DAB1: variants seen among roughly 807,000 people sequenced by gnomAD.
DAB1 encodes DAB adaptor protein 1, also known as disabled homolog 1.
Under a neutral mutation model 64.6 loss-of-function variants are expected in DAB1, and 15 were observed. The observed-to-expected ratio is 0.23, with a 90% CI of 0.16 to 0.36. DAB1 has a LOEUF of 0.36. Ranked by LOEUF, DAB1 falls within the 10% of genes least tolerant of loss-of-function variation. DAB1 has a pLI of 1.00. For synonymous variants in DAB1, 235 were observed against 251.9 expected, an observed-to-expected ratio of 0.93 and a Z score of 0.64; for missense variants, 596 against 706.7, an observed-to-expected ratio of 0.84 and a Z score of 1.78.
At chr1:57,081,273 T>C (rs1652526999) in intron 4 of DAB1, among the ~76,000 whole-genome samples, 1 of 152,122 alleles carries the variant, frequency 6.6e-6, no homozygotes. Flanking sequence ...TGGTAGATGG[T>C]AGGCTCTTTG....
At chr1:57,898,270 G>A (rs540913954) in intron 5 of DAB1, among the ~76,000 whole-genome samples, 68 of 152,282 alleles carry the variant, frequency 4.5e-4, no homozygotes, top group Admixed American at 4.4e-3. Context: ...GAGGCTGACT[G>A]GGACTTTGAC....
chr1:57,964,006 A>G (rs1233281253), intron 5 of DAB1, among the ~76,000 whole-genome samples: 2 of 152,220 alleles, frequency 1.3e-5, no homozygotes, highest in African/African-American at 4.8e-5. Flanking sequence ...CACCATGCTG[A>G]CAGTAAAATC....
At chr1:57,065,241 T>C (rs565463785) in intron 8 of DAB1, among the ~76,000 whole-genome samples, 1 of 152,318 alleles carries the variant, frequency 6.6e-6, no homozygotes, top group Non-Finnish European at 1.5e-5. Context: ...TAGGCCTTGT[T>C]TGGAGCCTTC....
At chr1:58,141,351 C>T (rs1654272924) in intron 5 of DAB1, among the ~76,000 whole-genome samples, 1 of 151,976 alleles carries the variant, frequency 6.6e-6, no homozygotes, top group East Asian at 1.9e-4. Flanking sequence ...CTTTATAAAA[C>T]CATCAGATCT....
chr1:58,385,314 T>C (rs1288602603), intron 3 of DAB1, among the ~76,000 whole-genome samples: 1 of 152,232 alleles, frequency 6.6e-6, no homozygotes, highest in African/African-American at 2.4e-5. Context: ...TTCCTAGCTG[T>C]GAGTTTCATA....
intron 6 of DAB1, among the ~76,000 whole-genome samples, chr1:57,753,825 G>A (rs975221191): frequency 2.0e-5 from 3 of 152,120 alleles, no homozygotes; most frequent in Non-Finnish European, 4.4e-5. Context: ...TGGCAGAGTC[G>A]GCATTTGAAC....
chr1:58,196,632 A>T (rs1488213022), intron 4 of DAB1, among the ~76,000 whole-genome samples: 5 of 152,188 alleles, frequency 3.3e-5, no homozygotes, highest in Admixed American at 3.3e-4. Context: ...CAGGAAACTT[A>T]AAATCACAGC....
intron 4 of DAB1, among the ~76,000 whole-genome samples, chr1:58,326,263 C>A (rs139154303): frequency 3.9e-4 from 59 of 152,246 alleles, no homozygotes; most frequent in Non-Finnish European, 6.6e-4. Context: ...TTTCAGATTG[C>A]GATTTTTAAA....
chr1:58,461,737 G>A (rs1202712842), intron 3 of DAB1, among the ~76,000 whole-genome samples: 2 of 152,172 alleles, frequency 1.3e-5, no homozygotes, highest in Admixed American at 6.5e-5. Flanking sequence ...TCTCTCTGAG[G>A]CTGAATTATT....
intron 3 of DAB1, among the ~76,000 whole-genome samples, chr1:58,456,805 C>T (rs186913546): frequency 1.6e-3 from 239 of 152,226 alleles, no homozygotes; most frequent in African/African-American, 4.9e-3. Context: ...AGCACTCAGA[C>T]CTTACTATAG....
chr1:57,609,698 T>C (rs191008440), intron 7 of DAB1, among the ~76,000 whole-genome samples: 1 of 152,340 alleles, frequency 6.6e-6, no homozygotes, highest in Admixed American at 6.5e-5. Context: ...TTGAAAATTC[T>C]AAAAGGCAAA....
chr1:58,340,845 C>A (rs1246173592), intron 4 of DAB1, among the ~76,000 whole-genome samples: 1 of 152,168 alleles, frequency 6.6e-6, no homozygotes, highest in East Asian at 1.9e-4. Context: ...GGAATACATA[C>A]TTCTCAGCAT....
chr1:58,204,491 G>A (rs576362136), intron 4 of DAB1, among the ~76,000 whole-genome samples: 1 of 152,174 alleles, frequency 6.6e-6, no homozygotes, highest in African/African-American at 2.4e-5. Context: ...GCACCAGTAG[G>A]GGGTAGAGAA....
chr1:57,041,703 T>A, intron 9 of DAB1, among the ~76,000 whole-genome samples: 1 of 152,164 alleles, frequency 6.6e-6, no homozygotes, highest in East Asian at 1.9e-4. Context: ...TAGTGTCTGA[T>A]TATTTGGATC....
chr1:58,275,191 C>T (rs2100433021), intron 4 of DAB1, among the ~76,000 whole-genome samples: 1 of 152,172 alleles, frequency 6.6e-6, no homozygotes, highest in African/African-American at 2.4e-5. Context: ...CAAAATGAAT[C>T]AAAGATGTAA....
chr1:57,912,716 C>T (rs941073558), intron 5 of DAB1, among the ~76,000 whole-genome samples: 9 of 152,146 alleles, frequency 5.9e-5, no homozygotes, highest in African/African-American at 2.2e-4. Flanking sequence ...CCCAAAATCT[C>T]CTTAAGCTGA....
intron 4 of DAB1, among the ~76,000 whole-genome samples, chr1:58,337,285 G>T (rs78013121): frequency 3.0e-5 from 2 of 67,190 alleles, no homozygotes; most frequent in African/African-American, 4.9e-5. Flanking sequence ...CTGTCTCAAA[G>T]AAAAAAAAAA....
At chr1:58,190,364 G>A (rs979203070) in intron 4 of DAB1, among the ~76,000 whole-genome samples, 2 of 152,146 alleles carry the variant, frequency 1.3e-5, no homozygotes, top group South Asian at 4.1e-4. Context: ...GTCCCACGTG[G>A]TGAACCAGCT....
intron 3 of DAB1, among the ~76,000 whole-genome samples, chr1:58,389,627 T>A (rs17117430): frequency 1.1e-4 from 16 of 151,952 alleles, no homozygotes; most frequent in African/African-American, 3.9e-4. Context: ...TTCTCCTCAT[T>A]GGGTCCATTT....
Sources: gnomAD v4.1 joint callset for allele counts (sites outside exome capture counted in the v4.1 genomes callset) on GRCh38, gnomAD v4.1.1 for gene constraint, MANE v1.5 for transcripts, NCBI Gene and HGNC (gene_info 2026-07-23, HGNC 2026-07-21) for gene names.